MORN1: variants seen among roughly 807,000 people sequenced by gnomAD.
The protein encoded by MORN1 is MORN repeat-containing protein 1.
MORN1 carries 67 observed loss-of-function variants against 61.9 expected under a neutral mutation model. The observed-to-expected ratio is 1.08, with a 90% CI of 0.89 to 1.33. The LOEUF is 1.33. MORN1 is among the 40% of genes most tolerant of loss of function. The pLI, the probability that MORN1 is intolerant of heterozygous loss-of-function variation, is 0.00. For synonymous variants in MORN1, 301 were observed against 292.0 expected, an observed-to-expected ratio of 1.03 and a Z score of -0.31; for missense variants, 752 against 691.2, an observed-to-expected ratio of 1.09 and a Z score of -0.99.
Position 2,372,651 on chromosome 1 carries a change from G to C in MORN1, c.635-60C>G, listed in dbSNP as rs1642147645. ...TGGCATGGTCCCCCACCCACCCCAT[G>C]GCTGAGTCAGCAGTGGGCACCCCAG... is the stretch of plus-strand genomic sequence containing the variant. On this transcript the variant is annotated intron_variant, in intron 7 of 13. Transcript: ENST00000378531. This position sits in a 1 kb window ranked among gnomAD's most constrained non-coding sequence, Gnocchi z 5.4. 2.2e-6 allele frequency: 3 copies of C among 1,375,656 alleles called. No homozygotes were observed. The highest frequency in any genetic ancestry group is 2.0e-6 in the Non-Finnish European group (2 of 987,794). 85.2% of individuals were successfully genotyped at this position (1,375,656 alleles called of 1,614,324 possible).
At chr1:2,379,973 C>T (rs1036632492) in intron 6 of MORN1, among the ~76,000 whole-genome samples, 5 of 152,218 alleles carry the variant, frequency 3.3e-5, no homozygotes, top group African/African-American at 1.2e-4. Context: ...GAGGGGAAGC[C>T]TCCCCAGAGT....
intron 10 of MORN1, among the ~76,000 whole-genome samples, chr1:2,340,448 AT>A (rs1641371451): frequency 6.6e-6 from 1 of 151,906 alleles, no homozygotes. Flanking sequence ...CCCTCGCTCC[AT>A]GACACCCCTC....
chr1:2,325,147 C>T (rs1294788166), intron 12 of MORN1, among the ~76,000 whole-genome samples: 1 of 135,228 alleles, frequency 7.4e-6, no homozygotes, highest in African/African-American at 2.8e-5. Flanking sequence ...TCCCTCCCTC[C>T]CTTCCTTCCC....
intron 8 of MORN1, among the ~76,000 whole-genome samples, chr1:2,367,120 G>A (rs1399139333): frequency 6.6e-6 from 1 of 151,892 alleles, no homozygotes; most frequent in African/African-American, 2.4e-5. Flanking sequence ...AACTCTTCCC[G>A]AAAATTGAAG....
At chr1:2,384,876 A>G (rs2843126) in intron 6 of MORN1, 102 bp downstream of exon 6, 516,572 of 974,964 alleles carry the variant, frequency 0.53, 141,460 homozygotes, top group East Asian at 0.77. Flanking sequence ...GGCCTGGCAC[A>G]TGGAGAAGCT....
intron 10 of MORN1, among the ~76,000 whole-genome samples, chr1:2,354,971 G>A (rs1291192860): frequency 6.6e-6 from 1 of 152,168 alleles, no homozygotes; most frequent in Non-Finnish European, 1.5e-5. Context: ...AGAATTTACG[G>A]CTGGACACTC....
Position 2,357,743 on chromosome 1 carries a change from G to T in MORN1, c.870-145C>A. Reference sequence around the variant, plus strand: ...ACTCAGCCTCTCTGGGAGGTCTCCTGCTGGGATGGGGCCAGTTGAGGCCCA... The same window carrying T: ...ACTCAGCCTCTCTGGGAGGTCTCCTTCTGGGATGGGGCCAGTTGAGGCCCA... On this transcript the variant is annotated intron_variant, in intron 9 of 13. Transcript: ENST00000378531. The surrounding 1 kb of genome is among the most constrained non-coding windows in gnomAD (Gnocchi z 6.3). 1.1e-6 allele frequency: 1 copy of T among 939,492 alleles called. No individual in the cohort carries two copies. Among genetic ancestry groups the T allele is most frequent in the Non-Finnish European group, 1.5e-6 (1 of 682,034 alleles). The allele number at this position is 939,492 out of a possible 1,614,324, so 58.2% of individuals were successfully genotyped here.
chr1:2,348,604 C>G (rs548513772), intron 10 of MORN1, among the ~76,000 whole-genome samples: 1 of 152,140 alleles, frequency 6.6e-6, no homozygotes, highest in Non-Finnish European at 1.5e-5. Context: ...TGCGCACATA[C>G]GTGCACCTAG....
chr1:2,375,668 C>T (rs1256742409), intron 6 of MORN1: 2 of 152,372 alleles, frequency 1.3e-5, no homozygotes, highest in East Asian at 3.9e-4. Context: ...TGGCAGCCCG[C>T]GTGGGTGCCC....
chr1:2,332,523 C>T (rs1233335762), intron 12 of MORN1: 12 of 441,452 alleles, frequency 2.7e-5, no homozygotes, highest in Non-Finnish European at 4.1e-5. Context: ...CCACGCAGGC[C>T]GCTAGGACCT....
chr1:2,356,267 C>T (rs753432400), intron 10 of MORN1, among the ~76,000 whole-genome samples: 3 of 152,262 alleles, frequency 2.0e-5, no homozygotes, highest in Non-Finnish European at 2.9e-5. Context: ...GAGCTCGCAT[C>T]GGCCAAGGCA....
intron 7 of MORN1, among the ~76,000 whole-genome samples, chr1:2,373,092 C>T (rs1642157944): frequency 6.6e-6 from 1 of 152,258 alleles, no homozygotes; most frequent in African/African-American, 2.4e-5. Flanking sequence ...CAGGGCATCG[C>T]TGTGGGTGGT....
At chr1:2,348,650 C>CGCACACACGCACCTGCGCAGGCAT (rs1557876137) in intron 10 of MORN1, among the ~76,000 whole-genome samples, 4 of 151,598 alleles carry the variant, frequency 2.6e-5, no homozygotes, top group Non-Finnish European at 5.9e-5. Context: ...TGCGCAGGCA[C>CGCACACACGCACCTGCGCAGGCAT]GCACACACGC....
In MORN1 at chr1:2,372,589, G is replaced by A. The variant is rs1292883634; in HGVS notation, c.637C>T (p.Gln213Ter). The stretch of plus-strand genomic sequence containing the variant: ...CCCAAGATCACGATCCTCGTAGCTT[G>A]TTCTGGGAGAGGACAGAGTGTGGCT... ...GLWINGHPAE[Q>*]ATRIVILGPE... is the part of the protein sequence containing the mutation. The change falls in exon 8 of 14, where the codon CAA becomes TAA. Residue 213 changes from glutamine (Q) to a stop codon, truncating the protein, a stop_gained and splice_region_variant. Coordinates refer to ENST00000378531, the MANE Select transcript of MORN1 (RefSeq NM_024848.3). LOFTEE classifies it high-confidence loss of function. The surrounding 1 kb of genome is among the most constrained non-coding windows in gnomAD (Gnocchi z 5.4). 3.7e-6 allele frequency: 6 copies of A among 1,612,456 alleles called. No homozygotes were observed. Among genetic ancestry groups the A allele is most frequent in the Non-Finnish European group, 5.1e-6 (6 of 1,179,252 alleles).
intron 6 of MORN1, 90 bp from the exon 7 acceptor site, chr1:2,374,647 C>G: frequency 9.0e-7 from 1 of 1,114,578 alleles, no homozygotes; most frequent in Non-Finnish European, 1.3e-6. Context: ...GGTGCTACAG[C>G]AGGGCCCCAG....
At chr1:2,366,917 C>T (rs2100325467) in intron 8 of MORN1, among the ~76,000 whole-genome samples, 1 of 152,112 alleles carries the variant, frequency 6.6e-6, no homozygotes, top group South Asian at 2.1e-4. Flanking sequence ...TCAGCAAGGA[C>T]ATAGTATACA....
At position 2,388,567 on chromosome 1, in the gene MORN1, G is replaced by A. The variant is rs1219158554; in HGVS notation, c.149-230C>T. 11 of 491,074 alleles carry A rather than the reference G, an allele frequency of 2.2e-5. No homozygotes were observed. In the East Asian group the frequency reaches 2.6e-4, roughly 12 times the overall value. 30.4% of individuals were successfully genotyped at this position (491,074 alleles called of 1,614,324 possible). A position where few individuals can be genotyped will look rare whatever the true frequency, so the allele number is the denominator to read the frequency against. On this transcript the variant is annotated intron_variant, in intron 2 of 13. Transcript: ENST00000378531. Reference sequence around the variant, plus strand: ...TTCAGCCAGAACAAGCACAGGAATCGAAGTGCAGGCAGCCAGCCTGAGCAA... The same window carrying A: ...TTCAGCCAGAACAAGCACAGGAATCAAAGTGCAGGCAGCCAGCCTGAGCAA...
At chr1:2,342,600 C>T (rs1052284738) in intron 10 of MORN1, among the ~76,000 whole-genome samples, 4 of 152,120 alleles carry the variant, frequency 2.6e-5, no homozygotes, top group South Asian at 2.1e-4. Flanking sequence ...GGGGGCCTCT[C>T]GGACTCCCCT....
chr1:2,341,692 G>GAAAAAAA (rs68071614), intron 10 of MORN1, among the ~76,000 whole-genome samples: 4 of 133,756 alleles, frequency 3.0e-5, no homozygotes, highest in Non-Finnish European at 3.3e-5. Context: ...TCCGTCTCAA[G>GAAAAAAA]AAAAAAAAAA....
Sources: gnomAD v4.1 joint callset for allele counts (sites outside exome capture counted in the v4.1 genomes callset) on GRCh38, gnomAD v4.1.1 for gene constraint, Gnocchi (gnomAD v3.1) non-coding constraint, MANE v1.5 for transcripts, NCBI Gene and HGNC (gene_info 2026-07-23, HGNC 2026-07-21) for gene names.